Variants in DNAJC15 observed in about 807,000 individuals in gnomAD.
DNAJC15 encodes dnaJ homolog subfamily C member 15.
In DNAJC15, 27 loss-of-function variants were observed where a neutral mutation model predicts 22.4. That is an observed-to-expected ratio of 1.20 (90% CI 0.89 to 1.66). DNAJC15 has a LOEUF of 1.66. Among genes scored for constraint, DNAJC15 ranks in the 40% most tolerant of loss-of-function variants. The probability of loss-of-function intolerance (pLI) is 0.00; values close to 1 mark genes in which losing one functional copy is unlikely to be tolerated. For missense variants in DNAJC15, 208 were observed against 187.1 expected (o/e 1.11, Z -0.65); for synonymous variants, 79 against 63.2 (o/e 1.25, Z -1.19).
In DNAJC15 at chr13:43,068,920, T is replaced by C. The variant is rs977658385; in HGVS notation, c.161-10T>C. On this transcript the variant is annotated splice_polypyrimidine_tract_variant and intron_variant, in intron 2 of 5. Coordinates refer to ENST00000379221, the MANE Select transcript of DNAJC15 (RefSeq NM_013238.3). Reference sequence around the variant, plus strand: ...AAAATACATTTGCTTTTATTCCCTTTACTATTTAGGTCGCTACGCATTTCG... The same window carrying C: ...AAAATACATTTGCTTTTATTCCCTTCACTATTTAGGTCGCTACGCATTTCG... 6.2e-7 allele frequency: 1 copy of C among 1,609,800 alleles called. No homozygotes were observed. Among genetic ancestry groups the C allele is most frequent in the Non-Finnish European group, 8.5e-7 (1 of 1,178,088 alleles).
chr13:43,072,350 CTCTT>C (rs2040613019), intron 3 of DNAJC15, among the ~76,000 whole-genome samples: 1 of 152,066 alleles, frequency 6.6e-6, no homozygotes, highest in African/African-American at 2.4e-5. Flanking sequence ...TTCATTGTCT[CTCTT>C]TTCTGCTTCT....
chr13:43,078,770 C>G lies in DNAJC15; in HGVS notation c.311+82C>G, dbSNP rs3783043. 818 of 1,224,834 alleles carry G rather than the reference C, an allele frequency of 6.7e-4. 19 individuals carry two copies. The East Asian group carries it at 0.02, about 30-fold the overall frequency. 75.9% of individuals were successfully genotyped at this position (1,224,834 alleles called of 1,614,324 possible). ...GAGAAAACGTTACAATAAGGTTATA[C>G]TTAGACTTAAAATTATGAGTAGGTG... is the stretch of plus-strand genomic sequence containing the variant. On this transcript the variant is annotated intron_variant, in intron 4 of 5. Coordinates refer to ENST00000379221, the MANE Select transcript of DNAJC15 (RefSeq NM_013238.3).
intron 1 of DNAJC15, among the ~76,000 whole-genome samples, chr13:43,042,209 A>G (rs1182962372): frequency 2.0e-5 from 3 of 152,202 alleles, no homozygotes; most frequent in Non-Finnish European, 2.9e-5. Context: ...CATAATTATG[A>G]TAAAGTTTAA....
rs572575635 is a variant in DNAJC15, at chr13:43,070,909, G to C, written c.234+1906G>C. Among the ~76,000 whole-genome samples, 72 of 152,262 alleles carry C rather than the reference G, an allele frequency of 4.7e-4. 1 individual carries two copies. Among genetic ancestry groups the C allele is most frequent in the African/African-American group, 1.5e-3 (62 of 41,542 alleles). On this transcript the variant is annotated intron_variant, in intron 3 of 5. Transcript: ENST00000379221. Reference sequence around the variant, plus strand: ...AGTAGAAGCTGTGAAACCAGTAAGCGGGTATTGAGATAGTCCGGGTGATAG... The same window carrying C: ...AGTAGAAGCTGTGAAACCAGTAAGCCGGTATTGAGATAGTCCGGGTGATAG...
At chr13:43,100,696 G>C (rs2040764415) in intron 5 of DNAJC15, among the ~76,000 whole-genome samples, 1 of 152,110 alleles carries the variant, frequency 6.6e-6, no homozygotes, top group Admixed American at 6.6e-5. Flanking sequence ...TATATGCTCT[G>C]TCCTGGAGAA....
intron 1 of DNAJC15, among the ~76,000 whole-genome samples, chr13:43,041,410 A>G (rs540702087): frequency 1.2e-3 from 181 of 152,354 alleles, no homozygotes; most frequent in Non-Finnish European, 2.0e-3. Context: ...ATCTCAAGGC[A>G]GAAGAATTTC....
At chr13:43,049,694 T>C (rs937803576) in intron 1 of DNAJC15, among the ~76,000 whole-genome samples, 15 of 152,232 alleles carry the variant, frequency 9.9e-5, no homozygotes, top group African/African-American at 3.6e-4. Flanking sequence ...CTCTTATACT[T>C]CTGTTTTCTA....
intron 1 of DNAJC15, among the ~76,000 whole-genome samples, chr13:43,064,469 A>G (rs2040573752): frequency 6.6e-6 from 1 of 151,974 alleles, no homozygotes; most frequent in Non-Finnish European, 1.5e-5. Context: ...CCCTAGGGAG[A>G]TTATGCTAGT....
intron 2 of DNAJC15, 123 bp downstream of exon 2, chr13:43,065,860 T>C (rs1192508488): frequency 4.0e-6 from 3 of 752,880 alleles, no homozygotes; most frequent in Non-Finnish European, 6.5e-6. Flanking sequence ...TACATTCTCA[T>C]TCTTTCCACC....
intron 5 of DNAJC15, among the ~76,000 whole-genome samples, chr13:43,090,955 G>GC (rs1474114216): frequency 9.2e-5 from 14 of 152,056 alleles, no homozygotes; most frequent in African/African-American, 3.1e-4. Context: ...ACCCACCTTG[G>GC]CCTCCCAAAG....
intron 5 of DNAJC15, among the ~76,000 whole-genome samples, chr13:43,105,627 G>T (rs1448979680): frequency 6.6e-6 from 1 of 151,884 alleles, no homozygotes; most frequent in African/African-American, 2.4e-5. Context: ...CTGTGCCTTT[G>T]ATTTTTTCCA....
At chr13:43,055,800 T>C (rs1218976234) in intron 1 of DNAJC15, among the ~76,000 whole-genome samples, 1 of 152,176 alleles carries the variant, frequency 6.6e-6, no homozygotes, top group Non-Finnish European at 1.5e-5. Flanking sequence ...TTTCTCTTTT[T>C]CCTTGAGGTG....
chr13:43,097,483 A>G (rs952815924), intron 5 of DNAJC15, among the ~76,000 whole-genome samples: 84 of 152,334 alleles, frequency 5.5e-4, no homozygotes, highest in African/African-American at 2.0e-3. Flanking sequence ...TGGGAATGCT[A>G]TTACCTGTTA....
chr13:43,104,259 T>TA (rs1427538387), intron 5 of DNAJC15, among the ~76,000 whole-genome samples: 1 of 152,178 alleles, frequency 6.6e-6, no homozygotes, highest in Non-Finnish European at 1.5e-5. Context: ...GACTATAGAT[T>TA]AAACATGTCT....
chr13:43,093,326 C>G (rs190377261), intron 5 of DNAJC15, among the ~76,000 whole-genome samples: 1 of 151,784 alleles, frequency 6.6e-6, no homozygotes, highest in African/African-American at 2.4e-5. Context: ...TGTCTCAGAC[C>G]GAAAAAGACT....
At chr13:43,046,735 T>A (rs2040478912) in intron 1 of DNAJC15, among the ~76,000 whole-genome samples, 1 of 152,132 alleles carries the variant, frequency 6.6e-6, no homozygotes, top group African/African-American at 2.4e-5. Flanking sequence ...TGCACACTCT[T>A]CTGGTCCGTG....
At chr13:43,026,146 T>A (rs551636113) in intron 1 of DNAJC15, among the ~76,000 whole-genome samples, 23 of 152,306 alleles carry the variant, frequency 1.5e-4, no homozygotes, top group Non-Finnish European at 2.8e-4. Context: ...TGGTGAACAA[T>A]TTCTGGTAAA....
At chr13:43,065,395 C>T (rs554509465) in intron 1 of DNAJC15, among the ~76,000 whole-genome samples, 3 of 152,118 alleles carry the variant, frequency 2.0e-5, no homozygotes, top group African/African-American at 4.8e-5. Flanking sequence ...TATTAAAAAT[C>T]GTCTATAGAA....
intron 5 of DNAJC15, among the ~76,000 whole-genome samples, chr13:43,092,262 C>T (rs1566215607): frequency 6.6e-6 from 1 of 152,060 alleles, no homozygotes; most frequent in Non-Finnish European, 1.5e-5. Context: ...TGCCATAAAG[C>T]CTACCTTATC....
Sources: gnomAD v4.1 joint callset for allele counts (sites outside exome capture counted in the v4.1 genomes callset) on GRCh38, gnomAD v4.1.1 for gene constraint, MANE v1.5 for transcripts, NCBI Gene and HGNC (gene_info 2026-07-23, HGNC 2026-07-21) for gene names.